The following GRB10 variants were observed in gnomAD, a reference collection of about 807,000 sequenced individuals.
GRB10 encodes the protein growth factor receptor-bound protein 10.
A neutral mutation model predicts 80.9 loss-of-function variants in GRB10; 20 were observed. The observed-to-expected ratio is 0.25, with a 90% CI of 0.17 to 0.36. The LOEUF (loss-of-function observed/expected upper bound fraction) is 0.36. Ranked by LOEUF, GRB10 falls within the 10% of genes least tolerant of loss-of-function variation. GRB10 has a pLI of 1.00. For missense variants in GRB10, 548 were observed against 747.7 expected (o/e 0.73, Z 3.12); for synonymous variants, 291 against 291.5 (o/e 1.00, Z 0.02).
chr7:50,778,795 T>C (rs1293029344), intron 2 of GRB10, among the ~76,000 whole-genome samples: 1 of 152,162 alleles, frequency 6.6e-6, no homozygotes, highest in African/African-American at 2.4e-5. Context: ...GCAAGGACCT[T>C]GGAAGAAGTG....
chr7:50,637,301 G>A (rs1042407334), intron 7 of GRB10, among the ~76,000 whole-genome samples: 2 of 152,124 alleles, frequency 1.3e-5, no homozygotes, highest in African/African-American at 4.8e-5. Context: ...ACTTCCGAAA[G>A]ACTCCTAGAC....
upstream of GRB10, among the ~76,000 whole-genome samples, chr7:50,786,227 T>C (rs545891373): frequency 6.6e-6 from 1 of 152,126 alleles, no homozygotes; most frequent in African/African-American, 2.4e-5. Flanking sequence ...GACTATTAGA[T>C]AAAAAATACA....
intron 4 of GRB10, among the ~76,000 whole-genome samples, chr7:50,713,637 C>T (rs1474649560): frequency 9.8e-5 from 13 of 132,486 alleles, no homozygotes; most frequent in African/African-American, 2.8e-4. Context: ...CCATCACCTC[C>T]ACCTCCCCCA....
At chr7:50,599,840 T>C (rs2047302057) in intron 17 of GRB10, among the ~76,000 whole-genome samples, 1 of 152,144 alleles carries the variant, frequency 6.6e-6, no homozygotes, top group Non-Finnish European at 1.5e-5. Flanking sequence ...TGACCTGCAA[T>C]CCACCCCACC....
At chr7:50,790,796 A>C (rs1010140861) in intron 1 of GRB10, among the ~76,000 whole-genome samples, 5 of 152,258 alleles carry the variant, frequency 3.3e-5, no homozygotes, top group Non-Finnish European at 7.3e-5. Context: ...GAATTTCTAC[A>C]GCTCTAAAAT....
intron 6 of GRB10, among the ~76,000 whole-genome samples, chr7:50,672,436 A>C (rs1172414460): frequency 6.6e-6 from 1 of 152,140 alleles, no homozygotes; most frequent in Non-Finnish European, 1.5e-5. Flanking sequence ...CACTTCACAA[A>C]ATAATCTTTG....
At chr7:50,756,631 A>G (rs1018184932) in intron 2 of GRB10, among the ~76,000 whole-genome samples, 1 of 152,164 alleles carries the variant, frequency 6.6e-6, no homozygotes, top group Non-Finnish European at 1.5e-5. Flanking sequence ...CTCAAGTCCT[A>G]TGAACTGAGA....
At chr7:50,745,960 A>C (rs2072818111) in intron 3 of GRB10, among the ~76,000 whole-genome samples, 1 of 152,240 alleles carries the variant, frequency 6.6e-6, no homozygotes, top group South Asian at 2.1e-4. Context: ...TTCTTTTGGC[A>C]AATCTTGAAC....
Position 50,592,875 on chromosome 7 carries a change from T to A in GRB10, c.*77A>T. 1.3e-6 allele frequency: 2 copies of A among 1,521,928 alleles called. No individual in the cohort carries two copies. The highest frequency in any genetic ancestry group is 2.0e-4 in the Middle Eastern group (1 of 5,006). 94.3% of individuals were successfully genotyped at this position (1,521,928 alleles called of 1,614,324 possible). A position where few individuals can be genotyped will look rare whatever the true frequency, so the allele number is the denominator to read the frequency against. On this transcript the variant is annotated 3_prime_UTR_variant, in exon 19 of 19. Transcript: ENST00000401949. ...TCCCCAGGTGCAGAATCGATGTGTG[T>A]TCTTCACCAACGCACAGACCGCTTC...
chr7:50,614,227 G>A (rs1041847388), intron 12 of GRB10, among the ~76,000 whole-genome samples: 1 of 152,188 alleles, frequency 6.6e-6, no homozygotes, highest in Non-Finnish European at 1.5e-5. Flanking sequence ...TATGCACAAA[G>A]GTGTATGTCT....
chr7:50,789,521 G>A (rs141254578), intron 1 of GRB10, among the ~76,000 whole-genome samples: 4 of 152,286 alleles, frequency 2.6e-5, no homozygotes, highest in African/African-American at 9.6e-5. Flanking sequence ...CTGAGGCAGT[G>A]TGCCTGCTGC....
At position 50,619,292 on chromosome 7, in the gene GRB10, G is replaced by A. The variant is rs763205940; in HGVS notation, c.662-7C>T. ...TGGTCTTCCAAGCACCTCTCTGCAG[G>A]GGCAAAGCATCACGTGTGAGACGCA... On this transcript the variant is annotated splice_polypyrimidine_tract_variant and splice_region_variant and intron_variant, in intron 8 of 18. Coordinates refer to ENST00000401949, the MANE Select transcript of GRB10 (RefSeq NM_001350814.2). 1 of 1,554,242 alleles carries A rather than the reference G, an allele frequency of 6.4e-7. No homozygotes were observed. Among genetic ancestry groups the A allele is most frequent in the South Asian group, 1.1e-5 (1 of 89,898 alleles).
At chr7:50,775,179 A>AAAAAAAAAAAAAAAAAAAAC (rs1562689445) in intron 2 of GRB10, among the ~76,000 whole-genome samples, 2 of 148,694 alleles carry the variant, frequency 1.3e-5, no homozygotes, top group Non-Finnish European at 3.0e-5. Context: ...AAAAACAAAA[A>AAAAAAAAAAAAAAAAAAAAC]AAAACAGTGG....
chr7:50,648,425 G>A (rs753888416), intron 7 of GRB10, among the ~76,000 whole-genome samples: 8 of 152,204 alleles, frequency 5.3e-5, no homozygotes, highest in Non-Finnish European at 1.2e-4. Flanking sequence ...GGTTTAAAAA[G>A]GAGCATTAGG....
intron 13 of GRB10, among the ~76,000 whole-genome samples, chr7:50,612,447 T>A (rs1164755713): frequency 6.6e-6 from 1 of 152,114 alleles, no homozygotes; most frequent in Non-Finnish European, 1.5e-5. Flanking sequence ...CACATCTAAG[T>A]GGCCTGCAAT....
intron 3 of GRB10, among the ~76,000 whole-genome samples, chr7:50,742,331 C>A (rs1157549520): frequency 2.0e-5 from 3 of 151,400 alleles, no homozygotes; most frequent in African/African-American, 4.9e-5. Flanking sequence ...GGCATCCATT[C>A]CCACTGATCA....
upstream of GRB10, among the ~76,000 whole-genome samples, chr7:50,784,180 G>A (rs1401128600): frequency 6.6e-6 from 1 of 152,222 alleles, no homozygotes; most frequent in Non-Finnish European, 1.5e-5. Flanking sequence ...CAGAGAAGAT[G>A]TCACATAGTG....
chr7:50,614,200 A>C (rs1389064990), intron 12 of GRB10, among the ~76,000 whole-genome samples: 1 of 152,168 alleles, frequency 6.6e-6, no homozygotes, highest in Non-Finnish European at 1.5e-5. Flanking sequence ...ACAAAGGTGT[A>C]TGTCTATACC....
intron 7 of GRB10, among the ~76,000 whole-genome samples, chr7:50,658,192 G>A (rs1025735040): frequency 4.6e-5 from 7 of 152,228 alleles, no homozygotes; most frequent in African/African-American, 7.2e-5. Context: ...TAAATAAAGC[G>A]CCAATGTCCA....
Sources: allele counts gnomAD v4.1 joint callset (sites outside exome capture counted in the v4.1 genomes callset), GRCh38; gene constraint gnomAD v4.1.1; transcripts MANE v1.5; gene names NCBI Gene and HGNC (gene_info 2026-07-23, HGNC 2026-07-21).